MMP26: variants seen among roughly 807,000 people sequenced by gnomAD.
MMP26 encodes the protein matrix metalloproteinase-26.
A neutral mutation model predicts 31.0 loss-of-function variants in MMP26; 33 were observed. The ratio of observed to expected loss-of-function variants is 1.06; its 90% CI spans 0.81 to 1.42. The LOEUF is 1.42. Ranked by LOEUF, MMP26 falls within the 40% of genes most tolerant of loss-of-function variation. MMP26 has a pLI of 0.00. For missense variants in MMP26, 347 were observed against 316.1 expected, an observed-to-expected ratio of 1.10 and a Z score of -0.74; for synonymous variants, 122 against 114.9, an observed-to-expected ratio of 1.06 and a Z score of -0.40.
chr11:4,945,755 AT>A (rs1251894262), intron 2 of MMP26: 2 of 230,148 alleles, frequency 8.7e-6, no homozygotes, highest in Non-Finnish European at 1.7e-5. Context: ...AATTAAAAAA[AT>A]GGTTGTATTC....
At chr11:4,721,981 T>C (rs895798744) in intron 1 of MMP26, among the ~76,000 whole-genome samples, 1 of 152,214 alleles carries the variant, frequency 6.6e-6, no homozygotes, top group African/African-American at 2.4e-5. Context: ...CCAAATCTCA[T>C]GTTGAAATGT....
At chr11:4,910,592 A>G (rs1050535612) in intron 2 of MMP26, among the ~76,000 whole-genome samples, 33 of 152,108 alleles carry the variant, frequency 2.2e-4, no homozygotes, top group African/African-American at 7.2e-4. Flanking sequence ...CAACAAACTT[A>G]TACCTCAATT....
At chr11:4,820,644 C>T (rs1849482603) in intron 2 of MMP26, among the ~76,000 whole-genome samples, 1 of 151,962 alleles carries the variant, frequency 6.6e-6, no homozygotes, top group African/African-American at 2.4e-5. Context: ...TTCTTCTCCT[C>T]CTCCTCTGTC....
intron 2 of MMP26, chr11:4,770,059 G>A (rs1287944844): frequency 3.4e-6 from 2 of 588,538 alleles, no homozygotes; most frequent in African/African-American, 3.7e-5. Context: ...CTGCATCATT[G>A]AGAAACCTTT....
chr11:4,978,847 T>G (rs1292867553), intron 2 of MMP26, among the ~76,000 whole-genome samples: 1 of 152,060 alleles, frequency 6.6e-6, no homozygotes, highest in African/African-American at 2.4e-5. Context: ...AGGAATAATT[T>G]GCAGCATAAA....
At chr11:4,806,532 C>A (rs1849272871) in intron 2 of MMP26, among the ~76,000 whole-genome samples, 1 of 152,084 alleles carries the variant, frequency 6.6e-6, no homozygotes, top group South Asian at 2.1e-4. Context: ...TTATCAGAGA[C>A]TAGGATTGCA....
At chr11:4,835,364 T>TA (rs1018829241) in intron 2 of MMP26, among the ~76,000 whole-genome samples, 2 of 152,166 alleles carry the variant, frequency 1.3e-5, no homozygotes, top group African/African-American at 4.8e-5. Context: ...GTACCACTGT[T>TA]ACACTTTGTA....
intron 2 of MMP26, among the ~76,000 whole-genome samples, chr11:4,864,040 T>C (rs1487803139): frequency 6.6e-6 from 1 of 152,152 alleles, no homozygotes; most frequent in African/African-American, 2.4e-5. Flanking sequence ...TTCAGTTCAG[T>C]GACTCCAAAG....
chr11:4,989,663 T>A lies in MMP26; in HGVS notation c.115T>A (p.Phe39Ile). Residue 39 changes from phenylalanine to isoleucine, a missense_variant, in exon 4 of 8, where the codon TTT (phenylalanine) becomes ATT (isoleucine). Phe to Ile is a conservative substitution (Grantham distance 21). Transcript: ENST00000380390. ...TCTGATTCAGGGCTATTTCCATCAATTTTTCCTGACCAAGAAGGAGTCGCC... is the reference window on the plus strand; with the variant it reads ...TCTGATTCAGGGCTATTTCCATCAAATTTTCCTGACCAAGAAGGAGTCGCC... Reference protein sequence around the residue: ...WDFVEGYFHQFFLTKKESPLL... With the variant: ...WDFVEGYFHQIFLTKKESPLL... 3.1e-6 allele frequency: 5 copies of A among 1,612,256 alleles called. No individual in the cohort carries two copies. The highest frequency in any genetic ancestry group is 1.6e-4 in the Middle Eastern group (1 of 6,062).
intron 2 of MMP26, among the ~76,000 whole-genome samples, chr11:4,782,992 G>T (rs1006733874): frequency 6.6e-6 from 1 of 152,242 alleles, no homozygotes; most frequent in Non-Finnish European, 1.5e-5. Flanking sequence ...GGCTGTAGGG[G>T]TGGGGCTGTC....
intron 2 of MMP26, among the ~76,000 whole-genome samples, chr11:4,857,573 G>A (rs1172037382): frequency 6.6e-6 from 1 of 152,122 alleles, no homozygotes; most frequent in Non-Finnish European, 1.5e-5. Context: ...TGAAATTGAG[G>A]CAATAATTAA....
intron 2 of MMP26, among the ~76,000 whole-genome samples, chr11:4,841,377 C>A (rs1849793716): frequency 6.6e-6 from 1 of 152,072 alleles, no homozygotes; most frequent in African/African-American, 2.4e-5. Flanking sequence ...ATTTAATAAT[C>A]AAATTCCCCA....
chr11:4,884,494 T>C (rs1223951895), intron 2 of MMP26, among the ~76,000 whole-genome samples: 1 of 152,130 alleles, frequency 6.6e-6, no homozygotes, highest in African/African-American at 2.4e-5. Flanking sequence ...GCCAAAGATA[T>C]ATCTAGTTTC....
intron 1 of MMP26, among the ~76,000 whole-genome samples, chr11:4,746,642 G>A (rs112604002): frequency 1.3e-5 from 2 of 151,896 alleles, no homozygotes; most frequent in South Asian, 2.1e-4. Flanking sequence ...GAGACCAGCC[G>A]GGCCAACAAG....
chr11:4,988,615 A>T (rs1846942483), intron 3 of MMP26, among the ~76,000 whole-genome samples: 1 of 152,090 alleles, frequency 6.6e-6, no homozygotes, highest in Non-Finnish European at 1.5e-5. Flanking sequence ...ACACTCCAGT[A>T]TATAGGTCTC....
At chr11:4,903,365 C>G (rs962718422) in intron 2 of MMP26, among the ~76,000 whole-genome samples, 1 of 151,954 alleles carries the variant, frequency 6.6e-6, no homozygotes, top group Non-Finnish European at 1.5e-5. Context: ...TTGTAAAGTG[C>G]TTTTCTAAAT....
At chr11:4,707,240 C>T (rs182196383) in intron 1 of MMP26, among the ~76,000 whole-genome samples, 11 of 152,270 alleles carry the variant, frequency 7.2e-5, no homozygotes, top group Admixed American at 4.6e-4. Flanking sequence ...GGTTATATCT[C>T]ACTGTGATTT....
At chr11:4,797,633 G>A (rs1029421136) in intron 2 of MMP26, among the ~76,000 whole-genome samples, 3 of 152,174 alleles carry the variant, frequency 2.0e-5, no homozygotes, top group African/African-American at 4.8e-5. Context: ...TGTAGGCCTT[G>A]ATCCTCTTTT....
intron 2 of MMP26, chr11:4,972,846 T>G (rs183302220): frequency 6.6e-6 from 1 of 152,310 alleles, no homozygotes; most frequent in East Asian, 1.9e-4. Flanking sequence ...ATTGAGAAAT[T>G]ATATTGTAAA....
Sources: gnomAD v4.1 joint callset for allele counts (sites outside exome capture counted in the v4.1 genomes callset) on GRCh38, gnomAD v4.1.1 for gene constraint, MANE v1.5 for transcripts, NCBI Gene and HGNC (gene_info 2026-07-23, HGNC 2026-07-21) for gene names.